Variants in SLC30A8 observed in about 807,000 individuals in gnomAD.
SLC30A8 encodes proton-coupled zinc antiporter SLC30A8.
Under a neutral mutation model 36.9 loss-of-function variants are expected in SLC30A8, and 27 were observed. That is an observed-to-expected ratio of 0.73 (90% confidence interval 0.54 to 1.01). The LOEUF (loss-of-function observed/expected upper bound fraction) is 1.01. Ranked by LOEUF, SLC30A8 falls within the 50% of genes least tolerant of loss-of-function variation. The probability of loss-of-function intolerance (pLI) is 0.00; values close to 1 mark genes in which losing one functional copy is unlikely to be tolerated. For missense variants in SLC30A8, 439 were observed against 452.0 expected (o/e 0.97, Z 0.26); for synonymous variants, 164 against 172.4 (o/e 0.95, Z 0.38).
intron 1 of SLC30A8, among the ~76,000 whole-genome samples, chr8:116,954,434 A>C (rs1404148215): frequency 3.3e-5 from 5 of 152,204 alleles, no homozygotes; most frequent in African/African-American, 1.2e-4. Flanking sequence ...TGGGCAGAAA[A>C]AGAGGACCCT....
At chr8:117,146,017 A>G (rs1821879061) in intron 1 of SLC30A8, among the ~76,000 whole-genome samples, 4 of 152,134 alleles carry the variant, frequency 2.6e-5, no homozygotes, top group African/African-American at 7.2e-5. Context: ...GTACAAATGT[A>G]TGATTTGAGA....
At chr8:117,093,219 A>G (rs1428513901) in intron 2 of SLC30A8, among the ~76,000 whole-genome samples, 5 of 151,768 alleles carry the variant, frequency 3.3e-5, no homozygotes, top group African/African-American at 1.2e-4. Context: ...GATGATAACC[A>G]TGTCTGTGAC....
chr8:117,153,806 C>T (rs1215529996), intron 3 of SLC30A8, among the ~76,000 whole-genome samples: 1 of 151,692 alleles, frequency 6.6e-6, no homozygotes, highest in Non-Finnish European at 1.5e-5. Flanking sequence ...AAAGCAAACA[C>T]GTGCTGAAAC....
chr8:116,982,752 CAG>C (rs1482152617), intron 1 of SLC30A8, among the ~76,000 whole-genome samples: 1 of 152,088 alleles, frequency 6.6e-6, no homozygotes, highest in African/African-American at 2.4e-5. Context: ...ATTATCACCT[CAG>C]GGGAAATTCC....
At chr8:117,078,065 C>T (rs1818546185) in intron 2 of SLC30A8, among the ~76,000 whole-genome samples, 1 of 152,194 alleles carries the variant, frequency 6.6e-6, no homozygotes, top group South Asian at 2.1e-4. Context: ...ATTTCTCTTA[C>T]ATTTTCCTTT....
At chr8:116,966,202 A>G (rs1243430538) in intron 1 of SLC30A8, among the ~76,000 whole-genome samples, 2 of 152,166 alleles carry the variant, frequency 1.3e-5, no homozygotes, top group Non-Finnish European at 2.9e-5. Flanking sequence ...AGTGTAGCTG[A>G]AGCATGGTAT....
intron 1 of SLC30A8, among the ~76,000 whole-genome samples, chr8:116,981,879 T>C (rs1197695643): frequency 1.3e-5 from 2 of 152,204 alleles, no homozygotes; most frequent in Non-Finnish European, 2.9e-5. Context: ...GATGAACATA[T>C]GTGTGCATGT....
chr8:117,013,510 A>G (rs181296687), intron 1 of SLC30A8, among the ~76,000 whole-genome samples: 92 of 152,314 alleles, frequency 6.0e-4, no homozygotes, highest in Non-Finnish European at 1.2e-3. Context: ...GAAAATGTGG[A>G]AGTAAAAAAG....
intron 1 of SLC30A8, among the ~76,000 whole-genome samples, chr8:117,016,667 G>A (rs1816529902): frequency 6.6e-6 from 1 of 152,122 alleles, no homozygotes; most frequent in African/African-American, 2.4e-5. Context: ...CAAGTTTACA[G>A]CTAACAAAAG....
At chr8:117,061,404 T>A (rs1234622420) in intron 2 of SLC30A8, among the ~76,000 whole-genome samples, 1 of 152,216 alleles carries the variant, frequency 6.6e-6, no homozygotes, top group Non-Finnish European at 1.5e-5. Flanking sequence ...TGATACATAG[T>A]GCCTTAGAGA....
chr8:117,048,871 A>G (rs1165621433), intron 2 of SLC30A8, among the ~76,000 whole-genome samples: 2 of 152,184 alleles, frequency 1.3e-5, no homozygotes, highest in South Asian at 2.1e-4. Context: ...AAAAATCTCA[A>G]TTCCATTTCT....
intron 2 of SLC30A8, among the ~76,000 whole-genome samples, chr8:117,102,830 C>T (rs1819787407): frequency 6.6e-6 from 1 of 152,102 alleles, no homozygotes; most frequent in Non-Finnish European, 1.5e-5. Flanking sequence ...TGCATCTCAA[C>T]TTGATTACAG....
chr8:117,105,308 C>T (rs1186620415), intron 2 of SLC30A8, among the ~76,000 whole-genome samples: 1 of 152,136 alleles, frequency 6.6e-6, no homozygotes, highest in Admixed American at 6.6e-5. Context: ...ACTCTTCCAG[C>T]CTCTATCCAT....
rs893335417 is a variant in SLC30A8 at position 117,034,318 on chromosome 8, A to G, written c.-265-4901A>G. Among the ~76,000 whole-genome samples, 3 of 152,350 alleles carry G rather than the reference A, an allele frequency of 2.0e-5. 1 individual carries two copies. The South Asian group carries it at 6.2e-4, about 32-fold the overall frequency. On this transcript the variant is annotated intron_variant, in intron 1 of 10. Transcript: ENST00000427715. ...TTATGATGGAAATCATCAGTTTCCA[A>G]TACTCCCACATCCAGTCCTGCTTCA...
chr8:117,084,809 G>A (rs922965128), intron 2 of SLC30A8, among the ~76,000 whole-genome samples: 5 of 152,094 alleles, frequency 3.3e-5, no homozygotes, highest in Non-Finnish European at 7.3e-5. Context: ...GCCTCAAGGA[G>A]TAATGAAGAA....
rs1189974707 is a variant in SLC30A8 at position 117,097,581 on chromosome 8, AAAT to A, written c.-225-37694_-225-37692del. Among the ~76,000 whole-genome samples the A allele has an allele frequency of 2.7e-3, 273 of 101,666 alleles. 9 individuals are homozygous for A. Among genetic ancestry groups the A allele is most frequent in the African/African-American group, 9.0e-3 (203 of 22,504 alleles). The allele number at this position is 101,666 out of a possible 152,430, so 66.7% of individuals were successfully genotyped here. The stretch of plus-strand genomic sequence containing the variant: ...TATATTATATATAATATATAATTTT[AAAT>A]AATATATATTATATATAATATATAA... On this transcript the variant is annotated intron_variant, in intron 2 of 10. Coordinates refer to the SLC30A8 transcript ENST00000427715.
intron 1 of SLC30A8, among the ~76,000 whole-genome samples, chr8:117,018,720 G>A (rs1044601559): frequency 7.0e-6 from 1 of 142,910 alleles, no homozygotes; most frequent in Non-Finnish European, 1.5e-5. Flanking sequence ...AGGCTGGAGT[G>A]CAGTGGTGCA....
intron 2 of SLC30A8, among the ~76,000 whole-genome samples, chr8:117,067,609 C>T (rs778708742): frequency 1.3e-5 from 2 of 152,164 alleles, no homozygotes; most frequent in African/African-American, 4.8e-5. Flanking sequence ...GGAGGACTCA[C>T]ATTTATTTAA....
intron 1 of SLC30A8, among the ~76,000 whole-genome samples, chr8:117,029,137 T>G (rs1816957849): frequency 6.6e-6 from 1 of 152,220 alleles, no homozygotes; most frequent in African/African-American, 2.4e-5. Flanking sequence ...TATCCATTTT[T>G]CTAAGATGGG....
Sources: gnomAD v4.1 joint callset for allele counts (sites outside exome capture counted in the v4.1 genomes callset) on GRCh38, gnomAD v4.1.1 for gene constraint, MANE v1.5 for transcripts, NCBI Gene and HGNC (gene_info 2026-07-23, HGNC 2026-07-21) for gene names.